PCDH15: variants seen among roughly 807,000 people sequenced by gnomAD.
The protein encoded by PCDH15 is protocadherin-15.
PCDH15 carries 129 observed loss-of-function variants against 178.5 expected under a neutral mutation model. The observed-to-expected ratio is 0.72, with a 90% CI of 0.63 to 0.84. The LOEUF is 0.84. Ranked by LOEUF, PCDH15 falls within the 40% of genes least tolerant of loss-of-function variation. The pLI is 0.00. For synonymous variants in PCDH15, 800 were observed against 732.0 expected, an observed-to-expected ratio of 1.09 and a Z score of -1.50; for missense variants, 2,230 against 2,099.9, an observed-to-expected ratio of 1.06 and a Z score of -1.21.
Position 54,025,429 on chromosome 10 carries a change from G to A in PCDH15, c.2221-2232C>T, listed in dbSNP as rs1251911680. On this transcript the variant is annotated intron_variant, in intron 18 of 37. Coordinates refer to ENST00000644397, the MANE Select transcript of PCDH15 (RefSeq NM_001384140.1). ...AACTGAGATCCCCACTTCCTTGATG[G>A]TTGTCATGTGAGGACCAATCCCGGT... is the stretch of plus-strand genomic sequence containing the variant. 2.6e-5 allele frequency among the ~76,000 whole-genome samples: 4 copies of A among 151,854 alleles called. No individual in the cohort carries two copies. In the East Asian group the frequency reaches 7.8e-4, roughly 29 times the overall value.
intron 1 of PCDH15, among the ~76,000 whole-genome samples, chr10:55,220,213 G>T (rs1840831428): frequency 6.6e-6 from 1 of 151,888 alleles, no homozygotes; most frequent in South Asian, 2.1e-4. Context: ...AGTACATCAA[G>T]GAGTTGTACC....
chr10:54,752,457 A>G (rs1946384370), intron 1 of PCDH15, among the ~76,000 whole-genome samples: 1 of 142,814 alleles, frequency 7.0e-6, no homozygotes, highest in African/African-American at 2.6e-5. Flanking sequence ...AGCCTGGGTG[A>G]CAGAACGAGA....
chr10:53,809,595 G>T, intron 37 of PCDH15: 1 of 1,552,838 alleles, frequency 6.4e-7, no homozygotes, highest in South Asian at 1.2e-5. Flanking sequence ...AGATAGCTAT[G>T]GTATGACCTT....
At chr10:54,865,891 T>C (rs1035578064) in intron 3 of PCDH15, among the ~76,000 whole-genome samples, 1 of 152,204 alleles carries the variant, frequency 6.6e-6, no homozygotes, top group African/African-American at 2.4e-5. Flanking sequence ...AATAATCTCA[T>C]GTATACTTCA....
chr10:55,499,274 T>C (rs1030792636), intron 2 of PCDH15, among the ~76,000 whole-genome samples: 1 of 151,816 alleles, frequency 6.6e-6, no homozygotes, highest in Non-Finnish European at 1.5e-5. Flanking sequence ...AGAAAACTAA[T>C]ACAATTTTCA....
chr10:55,508,103 G>T (rs1840801134), intron 2 of PCDH15, among the ~76,000 whole-genome samples: 1 of 151,544 alleles, frequency 6.6e-6, no homozygotes, highest in African/African-American at 2.4e-5. Flanking sequence ...TTTAAAATTA[G>T]ATTTTATTAT....
intron 15 of PCDH15, among the ~76,000 whole-genome samples, 196 bp downstream of exon 15, chr10:54,132,679 A>G (rs1398238349): frequency 6.6e-6 from 1 of 152,218 alleles, no homozygotes. Context: ...TGTGGCGATC[A>G]ATAGAATAGA....
chr10:54,370,107 G>T (rs917157014), intron 4 of PCDH15, among the ~76,000 whole-genome samples: 1 of 151,870 alleles, frequency 6.6e-6, no homozygotes, highest in African/African-American at 2.4e-5. Context: ...GAACGGGAAA[G>T]GTCAAAGATA....
At chr10:55,165,335 G>C (rs1839167675) in intron 2 of PCDH15, among the ~76,000 whole-genome samples, 3 of 151,810 alleles carry the variant, frequency 2.0e-5, no homozygotes, top group African/African-American at 7.2e-5. Flanking sequence ...TAAAGCCTAA[G>C]GCTCAGCCTC....
intron 1 of PCDH15, among the ~76,000 whole-genome samples, chr10:54,769,125 T>C (rs906638488): frequency 3.3e-5 from 5 of 152,146 alleles, no homozygotes; most frequent in Non-Finnish European, 7.3e-5. Context: ...TTAACTTCTG[T>C]ATAGGAGCCA....
chr10:53,972,695 C>T (rs575905508), intron 21 of PCDH15, among the ~76,000 whole-genome samples: 31 of 152,318 alleles, frequency 2.0e-4, no homozygotes, highest in African/African-American at 7.2e-4. Flanking sequence ...AAAAAATGCT[C>T]ATCATCACTG....
At chr10:54,231,128 C>T (rs2054017082) in intron 9 of PCDH15, among the ~76,000 whole-genome samples, 1 of 152,194 alleles carries the variant, frequency 6.6e-6, no homozygotes, top group Admixed American at 6.5e-5. Context: ...TGGCAGGTTT[C>T]TCCACCATAG....
chr10:55,023,209 T>A (rs893549939), intron 2 of PCDH15, among the ~76,000 whole-genome samples: 3 of 152,208 alleles, frequency 2.0e-5, no homozygotes, highest in Admixed American at 6.5e-5. Context: ...CCCAAAGTGC[T>A]GGGATTACAG....
intron 3 of PCDH15, among the ~76,000 whole-genome samples, chr10:54,855,681 G>A (rs558505672): frequency 1.8e-4 from 27 of 152,184 alleles, no homozygotes; most frequent in Middle Eastern, 6.8e-3. Context: ...GTTTAAAAAA[G>A]AATTTAAAAT....
At position 55,025,868 on chromosome 10, in the gene PCDH15, T is replaced by A. The variant is rs192402735; in HGVS notation, c.-79-128368A>T. Among the ~76,000 whole-genome samples the A allele has an allele frequency of 3.6e-3, 547 of 152,082 alleles. 4 individuals are homozygous for A. Among genetic ancestry groups the A allele is most frequent in the Middle Eastern group, 6.8e-3 (2 of 294 alleles). ...TCCTGCGATTGAGGTACAGATCAAG[T>A]GTAAGGGGACTTTAGAGTCAGTAAA... On this transcript the variant is annotated intron_variant, in intron 2 of 5. Coordinates refer to the PCDH15 transcript ENST00000458638.
chr10:55,157,658 A>T, intron 2 of PCDH15, among the ~76,000 whole-genome samples: 1 of 151,936 alleles, frequency 6.6e-6, no homozygotes, highest in Admixed American at 6.6e-5. Context: ...CTTTGTAGGG[A>T]CATGGATGAA....
intron 2 of PCDH15, among the ~76,000 whole-genome samples, chr10:54,545,893 G>A (rs1218398260): frequency 4.6e-5 from 7 of 152,154 alleles, no homozygotes; most frequent in African/African-American, 9.7e-5. Context: ...ACTCATTTGC[G>A]GATAGGGTCT....
chr10:53,931,354 A>G (rs2085046425), intron 25 of PCDH15, among the ~76,000 whole-genome samples: 1 of 152,174 alleles, frequency 6.6e-6, no homozygotes, highest in African/African-American at 2.4e-5. Context: ...TATGCTACAA[A>G]TTTGCATACT....
chr10:54,507,050 G>T (rs2081234265), intron 3 of PCDH15, among the ~76,000 whole-genome samples: 2 of 151,680 alleles, frequency 1.3e-5, no homozygotes, highest in East Asian at 3.9e-4. Flanking sequence ...TTGCCTTTAG[G>T]ATTCCTTTAA....
Sources: allele counts gnomAD v4.1 joint callset (sites outside exome capture counted in the v4.1 genomes callset), GRCh38; gene constraint gnomAD v4.1.1; transcripts MANE v1.5; gene names NCBI Gene and HGNC (gene_info 2026-07-23, HGNC 2026-07-21).